Variants in BMPR1B observed in about 807,000 individuals in gnomAD.
The protein encoded by BMPR1B is bone morphogenetic protein receptor type 1B, also known as bone morphogenetic protein receptor type-1B.
Under a neutral mutation model 59.1 loss-of-function variants are expected in BMPR1B, and 12 were observed. The observed-to-expected ratio is 0.20, with a 90% CI of 0.13 to 0.33. The LOEUF (loss-of-function observed/expected upper bound fraction) is 0.33, where lower values mean the gene tolerates loss of function less well. BMPR1B is among the 10% of genes least tolerant of loss of function. The pLI is 1.00. For missense variants in BMPR1B, 550 were observed against 610.9 expected (o/e 0.90, Z 1.05); for synonymous variants, 237 against 207.3 (o/e 1.14, Z -1.23).
chr4:95,026,116 TTCTTTCTTTC>T (rs1364624009), intron 3 of BMPR1B, among the ~76,000 whole-genome samples: 2 of 143,322 alleles, frequency 1.4e-5, no homozygotes, highest in Non-Finnish European at 3.0e-5. Flanking sequence ...CTTTCTTTCT[TTCTTTCTTTC>T]TTTCTTTCTT....
At chr4:94,897,326 G>T (rs541068966) in intron 2 of BMPR1B, among the ~76,000 whole-genome samples, 4 of 151,936 alleles carry the variant, frequency 2.6e-5, no homozygotes, top group Admixed American at 6.6e-5. Context: ...ATCTATTCCC[G>T]CGTGACTCAT....
At chr4:94,787,208 A>T (rs1030644056) in intron 1 of BMPR1B, among the ~76,000 whole-genome samples, 1 of 151,710 alleles carries the variant, frequency 6.6e-6, no homozygotes, top group Non-Finnish European at 1.5e-5. Context: ...ATTGACATAT[A>T]CTCCACGTAG....
chr4:94,950,047 A>T (rs1729870589), intron 2 of BMPR1B, among the ~76,000 whole-genome samples: 1 of 152,128 alleles, frequency 6.6e-6, no homozygotes, highest in Non-Finnish European at 1.5e-5. Context: ...ACCAGTGATG[A>T]TGAGCTTTTT....
At chr4:94,877,674 A>C (rs1461314152) in intron 2 of BMPR1B, among the ~76,000 whole-genome samples, 2 of 152,230 alleles carry the variant, frequency 1.3e-5, no homozygotes, top group African/African-American at 4.8e-5. Flanking sequence ...GGAATGGCTC[A>C]GCAGGTAAAT....
Position 95,084,056 on chromosome 4 carries a change from T to C in BMPR1B, c.-17-20352T>C, listed in dbSNP as rs1319139434. Among the ~76,000 whole-genome samples, 11 of 152,128 alleles carry C rather than the reference T, an allele frequency of 7.2e-5. No individual in the cohort carries two copies. The South Asian group carries it at 2.3e-3, about 32-fold the overall frequency. Reference sequence around the variant, plus strand: ...GTTTCAGTCCTTTCAAATCCCTTCCTCAGTAAAGTCACTAACGTAAACTCA... The same window carrying C: ...GTTTCAGTCCTTTCAAATCCCTTCCCCAGTAAAGTCACTAACGTAAACTCA... On this transcript the variant is annotated intron_variant, in intron 3 of 12. Coordinates refer to ENST00000515059, the MANE Select transcript of BMPR1B (RefSeq NM_001203.3).
At chr4:95,092,605 A>G (rs1171171903) in intron 3 of BMPR1B, among the ~76,000 whole-genome samples, 3 of 152,070 alleles carry the variant, frequency 2.0e-5, no homozygotes, top group Non-Finnish European at 4.4e-5. Flanking sequence ...TTGAACTAGC[A>G]ATATATTTGA....
In BMPR1B at chr4:95,121,947, C is replaced by T. The variant is rs989808938; in HGVS notation, c.350-1863C>T. On this transcript the variant is annotated intron_variant, in intron 6 of 12. Transcript: ENST00000515059. Reference sequence around the variant, plus strand: ...GTGTTTATTACAGAATTGTGTATAACAAAGAAGCCTTATGGCAGAATCTTT... The same window carrying T: ...GTGTTTATTACAGAATTGTGTATAATAAAGAAGCCTTATGGCAGAATCTTT... Among the ~76,000 whole-genome samples the T allele has an allele frequency of 2.0e-5, 3 of 152,122 alleles. No individual in the cohort carries two copies. In the South Asian group the frequency reaches 6.2e-4, roughly 31 times the overall value.
intron 8 of BMPR1B, among the ~76,000 whole-genome samples, chr4:95,127,950 T>C (rs1216995096): frequency 2.0e-5 from 3 of 151,812 alleles, no homozygotes; most frequent in Non-Finnish European, 4.4e-5. Flanking sequence ...TGTGGTGCGA[T>C]CTTGTCTCAT....
chr4:94,955,089 C>G (rs922643409), intron 2 of BMPR1B, among the ~76,000 whole-genome samples: 4 of 152,112 alleles, frequency 2.6e-5, no homozygotes, highest in African/African-American at 9.7e-5. Context: ...ATATTTCTAT[C>G]TCTGTAGTTA....
At chr4:94,988,775 A>C (rs1721561701) in intron 2 of BMPR1B, among the ~76,000 whole-genome samples, 1 of 152,130 alleles carries the variant, frequency 6.6e-6, no homozygotes. Flanking sequence ...TTACTTGAGA[A>C]CAAAGAACCT....
At chr4:94,877,976 G>A (rs1726796303) in intron 2 of BMPR1B, among the ~76,000 whole-genome samples, 1 of 152,098 alleles carries the variant, frequency 6.6e-6, no homozygotes, top group East Asian at 1.9e-4. Context: ...GTGTGTATAT[G>A]CATTTACATT....
chr4:95,134,941 C>G (rs1372794487), intron 10 of BMPR1B, among the ~76,000 whole-genome samples: 4 of 152,296 alleles, frequency 2.6e-5, no homozygotes, highest in Non-Finnish European at 4.4e-5. Flanking sequence ...TTGCCCATGC[C>G]TGTGTCCTGA....
At chr4:94,990,084 A>G (rs1721641700) in intron 2 of BMPR1B, among the ~76,000 whole-genome samples, 1 of 152,212 alleles carries the variant, frequency 6.6e-6, no homozygotes, top group Non-Finnish European at 1.5e-5. Context: ...GAGGCCGGGC[A>G]TGGTGGCTCA....
chr4:94,803,269 T>C (rs182592719), intron 1 of BMPR1B, among the ~76,000 whole-genome samples: 20 of 152,290 alleles, frequency 1.3e-4, no homozygotes, highest in Admixed American at 5.9e-4. Context: ...TCTGAGAAGC[T>C]TCCTGGCAAG....
At chr4:94,898,340 A>G (rs1336316677) in intron 2 of BMPR1B, among the ~76,000 whole-genome samples, 1 of 151,984 alleles carries the variant, frequency 6.6e-6, no homozygotes, top group African/African-American at 2.4e-5. Flanking sequence ...ACACTTTGAT[A>G]TGGTTTGGCT....
chr4:95,051,977 GA>G (rs1314337817), intron 3 of BMPR1B, among the ~76,000 whole-genome samples: 2 of 152,170 alleles, frequency 1.3e-5, no homozygotes, highest in African/African-American at 4.8e-5. Context: ...TAATTTTAAA[GA>G]GACTTAACAT....
intron 1 of BMPR1B, among the ~76,000 whole-genome samples, chr4:94,763,642 A>G (rs1177343991): frequency 1.3e-5 from 2 of 152,202 alleles, no homozygotes; most frequent in Non-Finnish European, 2.9e-5. Context: ...CATTTTAGTC[A>G]TTTTTATAGC....
chr4:94,850,789 T>TA (rs537934082), intron 1 of BMPR1B, among the ~76,000 whole-genome samples: 470 of 152,290 alleles, frequency 3.1e-3, no homozygotes, highest in Non-Finnish European at 5.7e-3. Flanking sequence ...CTTCGAAACT[T>TA]ACTCCAAACA....
In BMPR1B at chr4:94,837,910, C is replaced by G. The variant is rs187167661; in HGVS notation, c.-182-37921C>G. 7.6e-3 allele frequency among the ~76,000 whole-genome samples: 1,028 copies of G among 135,720 alleles called. 90 individuals carry two copies. The highest frequency in any genetic ancestry group is 0.027 in the African/African-American group (955 of 34,966). The allele number at this position is 135,720 out of a possible 152,430, so 89.0% of individuals were successfully genotyped here. The stretch of plus-strand genomic sequence containing the variant: ...GTCTGTGGGTTTGTCATAGATAGCT[C>G]TTATTATTTTGAAATATGTCCCATC... On this transcript the variant is annotated intron_variant, in intron 1 of 12. Coordinates refer to ENST00000515059, the MANE Select transcript of BMPR1B (RefSeq NM_001203.3).
Sources: gnomAD v4.1 joint callset for allele counts (sites outside exome capture counted in the v4.1 genomes callset) on GRCh38, gnomAD v4.1.1 for gene constraint, MANE v1.5 for transcripts, NCBI Gene and HGNC (gene_info 2026-07-23, HGNC 2026-07-21) for gene names.